ZCWPW2: variants seen among roughly 807,000 people sequenced by gnomAD.
ZCWPW2 encodes the protein zinc finger CW-type PWWP domain protein 2.
Under a neutral mutation model 46.6 loss-of-function variants are expected in ZCWPW2, and 45 were observed. That is an observed-to-expected ratio of 0.96 (90% CI 0.76 to 1.24). The LOEUF (loss-of-function observed/expected upper bound fraction) is 1.24, where lower values mean the gene tolerates loss of function less well. Among genes scored for constraint, ZCWPW2 ranks in the 50% most tolerant of loss-of-function variants. The pLI is 0.00. For synonymous variants in ZCWPW2, 152 were observed against 137.1 expected (o/e 1.11, Z -0.76); for missense variants, 429 against 403.9 (o/e 1.06, Z -0.53).
At chr3:28,428,159 C>T (rs1697097347) in intron 3 of ZCWPW2, 1 of 152,376 alleles carries the variant, frequency 6.6e-6, no homozygotes, top group Non-Finnish European at 1.5e-5. Flanking sequence ...TAACAGTCGC[C>T]AAACAATGAG....
intron 4 of ZCWPW2, among the ~76,000 whole-genome samples, chr3:28,440,079 A>G (rs1325630441): frequency 6.6e-6 from 1 of 152,016 alleles, no homozygotes; most frequent in African/African-American, 2.4e-5. Flanking sequence ...TTTGCCATTG[A>G]CCTAATCACA....
intron 4 of ZCWPW2, among the ~76,000 whole-genome samples, chr3:28,460,553 C>T (rs905767535): frequency 2.0e-5 from 3 of 152,076 alleles, no homozygotes; most frequent in Admixed American, 6.5e-5. Context: ...ATTAGAAAGC[C>T]AAGGAGGCTA....
intron 1 of ZCWPW2, among the ~76,000 whole-genome samples, chr3:28,361,149 A>G (rs1704925761): frequency 6.6e-6 from 1 of 152,196 alleles, no homozygotes; most frequent in Admixed American, 6.5e-5. Context: ...CAAATAAGGG[A>G]TATTCAACTA....
intron 9 of ZCWPW2, 106 bp downstream of exon 9, chr3:28,521,222 GT>G: frequency 2.3e-6 from 3 of 1,283,820 alleles, no homozygotes; most frequent in Non-Finnish European, 3.1e-6. Context: ...CTCTTTTCAT[GT>G]CTGAAATTTG....
chr3:28,358,912 A>G (rs1283658210), intron 1 of ZCWPW2, among the ~76,000 whole-genome samples: 1 of 152,070 alleles, frequency 6.6e-6, no homozygotes, highest in African/African-American at 2.4e-5. Context: ...TAACAATTTA[A>G]TTTATTTATT....
intron 8 of ZCWPW2, among the ~76,000 whole-genome samples, chr3:28,518,052 C>T (rs1027860596): frequency 7.0e-6 from 1 of 143,354 alleles, no homozygotes; most frequent in African/African-American, 2.6e-5. Context: ...AGGAGAATTT[C>T]TTGAACCTGG....
intron 6 of ZCWPW2, among the ~76,000 whole-genome samples, chr3:28,493,003 G>C (rs1455052503): frequency 1.4e-5 from 2 of 147,950 alleles, no homozygotes; most frequent in East Asian, 4.0e-4. Context: ...CATCATGTTT[G>C]TATTCTTTGT....
chr3:28,440,890 A>G (rs1212574165), intron 4 of ZCWPW2, among the ~76,000 whole-genome samples: 1 of 152,210 alleles, frequency 6.6e-6, no homozygotes, highest in Non-Finnish European at 1.5e-5. Context: ...GAGGTCCAAT[A>G]TAATCAACTA....
intron 2 of ZCWPW2, among the ~76,000 whole-genome samples, chr3:28,411,216 A>G (rs958147357): frequency 2.0e-5 from 3 of 151,992 alleles, no homozygotes; most frequent in African/African-American, 4.8e-5. Flanking sequence ...AATATAGTTT[A>G]TTATTCAAAA....
chr3:28,495,356 A>G (rs1018989833), intron 6 of ZCWPW2, among the ~76,000 whole-genome samples: 3 of 152,148 alleles, frequency 2.0e-5, no homozygotes, highest in Non-Finnish European at 4.4e-5. Context: ...TATGTGAAGT[A>G]GTGCAGTATT....
At chr3:28,474,999 TTTA>T (rs1400849726) in intron 4 of ZCWPW2, among the ~76,000 whole-genome samples, 1 of 142,636 alleles carries the variant, frequency 7.0e-6, no homozygotes, top group Non-Finnish European at 1.6e-5. Flanking sequence ...CGGCTAACTT[TTTA>T]TTATTATTTT....
chr3:28,391,112 A>C (rs989837479), intron 2 of ZCWPW2, among the ~76,000 whole-genome samples: 1 of 152,226 alleles, frequency 6.6e-6, no homozygotes, highest in Admixed American at 6.5e-5. Context: ...GAGATTACAT[A>C]AGAATTGGAG....
chr3:28,437,164 T>A (rs530806685), intron 4 of ZCWPW2, among the ~76,000 whole-genome samples: 4 of 152,270 alleles, frequency 2.6e-5, no homozygotes, highest in Admixed American at 6.5e-5. Context: ...GTTTTAAAAA[T>A]TTTTTTCTAG....
At chr3:28,369,328 G>T (rs964768933) in intron 1 of ZCWPW2, among the ~76,000 whole-genome samples, 9 of 152,044 alleles carry the variant, frequency 5.9e-5, no homozygotes, top group Admixed American at 5.9e-4. Flanking sequence ...GTACAGATGG[G>T]GTTTTGGTGT....
chr3:28,420,569 A>G (rs1553634755), intron 3 of ZCWPW2, among the ~76,000 whole-genome samples: 1 of 147,634 alleles, frequency 6.8e-6, no homozygotes, highest in Non-Finnish European at 1.5e-5. Context: ...TTAGTTTTTA[A>G]TTATACTTTA....
At chr3:28,502,039 T>C (rs1326012021) in intron 6 of ZCWPW2, among the ~76,000 whole-genome samples, 1 of 152,142 alleles carries the variant, frequency 6.6e-6, no homozygotes, top group Non-Finnish European at 1.5e-5. Flanking sequence ...GTTCTTTTCA[T>C]ACTAATTTCA....
Position 28,520,759 on chromosome 3 carries a change from T to A in ZCWPW2, c.785-233T>A, listed in dbSNP as rs563984124. On this transcript the variant is annotated intron_variant, in intron 8 of 9. Coordinates refer to ENST00000383768, the MANE Select transcript of ZCWPW2 (RefSeq NM_001040432.4). ...GATATTTCACTTCTACTTTATGGTT[T>A]ATACATAGCAAGACTATCACCTACA... Among the ~76,000 whole-genome samples the A allele has an allele frequency of 2.6e-4, 39 of 152,352 alleles. No individual in the cohort carries two copies. The East Asian group carries it at 7.3e-3, about 29-fold the overall frequency.
At chr3:28,366,381 T>G (rs1705120182) in intron 1 of ZCWPW2, among the ~76,000 whole-genome samples, 1 of 100,774 alleles carries the variant, frequency 9.9e-6, no homozygotes, top group Non-Finnish European at 2.0e-5. Context: ...CAAAGGCCTT[T>G]CTGCATCTAT....
At chr3:28,474,804 T>TTTGTTGTTG (rs139673277) in intron 4 of ZCWPW2, among the ~76,000 whole-genome samples, 1 of 148,828 alleles carries the variant, frequency 6.7e-6, no homozygotes, top group Non-Finnish European at 1.5e-5. Flanking sequence ...GTCTGAACTA[T>TTTGTTGTTG]TTGTTGTTGT....
Sources: allele counts gnomAD v4.1 joint callset (sites outside exome capture counted in the v4.1 genomes callset), GRCh38; gene constraint gnomAD v4.1.1; transcripts MANE v1.5; gene names NCBI Gene and HGNC (gene_info 2026-07-23, HGNC 2026-07-21).